AGAP1: variants seen among roughly 807,000 people sequenced by gnomAD.
The protein encoded by AGAP1 is ArfGAP with GTPase domain, ankyrin repeat and PH domain 1, also known as arf-GAP with GTPase, ANK repeat and PH domain-containing protein 1.
A neutral mutation model predicts 105.3 loss-of-function variants in AGAP1; 29 were observed. That is an observed-to-expected ratio of 0.28 (90% CI 0.21 to 0.38). AGAP1 has a LOEUF of 0.38. Ranked by LOEUF, AGAP1 falls within the 10% of genes least tolerant of loss-of-function variation. AGAP1 has a pLI of 1.00. For missense variants in AGAP1, 998 were observed against 1,165.1 expected, an observed-to-expected ratio of 0.86 and a Z score of 2.09; for synonymous variants, 509 against 485.9, an observed-to-expected ratio of 1.05 and a Z score of -0.63.
intron 13 of AGAP1, among the ~76,000 whole-genome samples, chr2:235,991,247 CT>C (rs1473120755): frequency 6.6e-6 from 1 of 152,110 alleles, no homozygotes; most frequent in Non-Finnish European, 1.5e-5. Context: ...TTTCTCTGTC[CT>C]TTAATTTTGA....
intron 9 of AGAP1, among the ~76,000 whole-genome samples, chr2:235,808,614 GCCCGGGAGCAAGCTTTCTC>G (rs1268249910): frequency 6.6e-6 from 1 of 152,192 alleles, no homozygotes; most frequent in Non-Finnish European, 1.5e-5. Context: ...AACCGACCCT[GCCCGGGAGCAAGCTTTCTC>G]CTTCCGTGCT....
chr2:235,880,469 G>A (rs2049961514), intron 9 of AGAP1, among the ~76,000 whole-genome samples: 1 of 151,948 alleles, frequency 6.6e-6, no homozygotes, highest in African/African-American at 2.4e-5. Context: ...GGAAAAATGG[G>A]AGCCCACTGG....
At chr2:235,881,984 TCTG>T (rs2050045949) in intron 9 of AGAP1, among the ~76,000 whole-genome samples, 1 of 152,190 alleles carries the variant, frequency 6.6e-6, no homozygotes, top group Non-Finnish European at 1.5e-5. Flanking sequence ...GTAAAAAAAT[TCTG>T]CTTTACAAAT....
chr2:235,572,156 T>C (rs1247004398), intron 1 of AGAP1, among the ~76,000 whole-genome samples: 1 of 151,608 alleles, frequency 6.6e-6, no homozygotes, highest in Non-Finnish European at 1.5e-5. Context: ...GCAAATGCAA[T>C]GAAGAAAGTG....
chr2:235,658,647 G>A (rs1249544912), intron 1 of AGAP1, among the ~76,000 whole-genome samples: 1 of 152,178 alleles, frequency 6.6e-6, no homozygotes, highest in East Asian at 1.9e-4. Context: ...GGCTTCCCTG[G>A]AGCTGTTGGC....
chr2:235,536,509 G>T (rs572641179), intron 1 of AGAP1, among the ~76,000 whole-genome samples: 2 of 134,340 alleles, frequency 1.5e-5, no homozygotes, highest in African/African-American at 5.9e-5. Flanking sequence ...CAGGACTCTG[G>T]GGTTTGTGTG....
Position 235,787,290 on chromosome 2 carries a change from C to A in AGAP1, c.674-10469C>A, listed in dbSNP as rs13393429. On this transcript the variant is annotated intron_variant, in intron 6 of 17. Transcript: ENST00000304032. The surrounding 1 kb of genome is among the most constrained non-coding windows in gnomAD (Gnocchi z 4.4). The stretch of plus-strand genomic sequence containing the variant: ...TGCTAATGACTTCCTGTTCCACAGG[C>A]GTAACACTTTCTAATGTTTCATTCA... 2.5e-3 allele frequency among the ~76,000 whole-genome samples: 377 copies of A among 152,344 alleles called. 1 individual carries two copies. Among genetic ancestry groups the A allele is most frequent in the African/African-American group, 8.8e-3 (366 of 41,588 alleles).
At chr2:235,968,705 C>T in intron 13 of AGAP1, 82 bp downstream of exon 13, 3 of 1,419,216 alleles carry the variant, frequency 2.1e-6, no homozygotes, top group Non-Finnish European at 2.9e-6. Flanking sequence ...AAATTAGACA[C>T]CCTTAGCACA....
intron 12 of AGAP1, among the ~76,000 whole-genome samples, chr2:235,945,865 G>T (rs959085258): frequency 8.0e-5 from 12 of 150,180 alleles, no homozygotes; most frequent in Admixed American, 8.0e-4. Context: ...GAAGGCAGAG[G>T]GGGAGCCGGC....
At chr2:235,987,737 T>C (rs1575978396) in intron 13 of AGAP1, among the ~76,000 whole-genome samples, 1 of 152,310 alleles carries the variant, frequency 6.6e-6, no homozygotes, top group East Asian at 1.9e-4. Flanking sequence ...AAATAACTTC[T>C]TGATTTCTGT....
rs1349605447 is a variant in AGAP1, at chr2:235,608,307, A to G, written c.164-100872A>G. On this transcript the variant is annotated intron_variant, in intron 1 of 17. Coordinates refer to ENST00000304032, the MANE Select transcript of AGAP1 (RefSeq NM_001037131.3). The surrounding 1 kb of genome is among the most constrained non-coding windows in gnomAD (Gnocchi z 5.4). ...CTGGATCCATGGCCGTATTCTGTAA[A>G]ATTCCATTGTGTCTTTTTTTCCCCC... 2.0e-5 allele frequency among the ~76,000 whole-genome samples: 3 copies of G among 152,128 alleles called. No homozygotes were observed. Among genetic ancestry groups the G allele is most frequent in the African/African-American group, 7.2e-5 (3 of 41,416 alleles).
intron 9 of AGAP1, among the ~76,000 whole-genome samples, chr2:235,825,622 A>G (rs901491766): frequency 1.3e-5 from 2 of 152,242 alleles, no homozygotes; most frequent in Admixed American, 1.3e-4. Flanking sequence ...TGTATCCAGC[A>G]AAGTCTTCAT....
chr2:236,072,658 A>C lies in AGAP1; in HGVS notation c.2114+23377A>C, dbSNP rs535524292. 2.0e-5 allele frequency: 3 copies of C among 152,278 alleles called. No homozygotes were observed. In the East Asian group the frequency reaches 5.8e-4, roughly 29 times the overall value. 9.4% of individuals were successfully genotyped at this position (152,278 alleles called of 1,614,324 possible). ...GGTAGGTGAGTATAGACAGGATCTCACTTTGTTAGCCAGGTTGGCTCAAAT... is the reference window on the plus strand; with the variant it reads ...GGTAGGTGAGTATAGACAGGATCTCCCTTTGTTAGCCAGGTTGGCTCAAAT... On this transcript the variant is annotated intron_variant, in intron 16 of 17. Transcript: ENST00000304032.
intron 1 of AGAP1, among the ~76,000 whole-genome samples, chr2:235,630,728 C>T (rs1367165933): frequency 3.9e-5 from 6 of 152,194 alleles, no homozygotes; most frequent in African/African-American, 1.4e-4. Context: ...GTGTGCCCCT[C>T]GGCTCGCCAC....
rs2050639133 is a variant in AGAP1, at chr2:235,893,324, G to A, written c.1155+9875G>A. 1.3e-5 allele frequency among the ~76,000 whole-genome samples: 2 copies of A among 150,720 alleles called. No individual in the cohort carries two copies. Among genetic ancestry groups the A allele is most frequent in the African/African-American group, 4.9e-5 (2 of 40,912 alleles). ...TGTGGCGCAGGTGTGCCGTGTCTGT[G>A]GCATGGGTGTGGCTTGTCTGTGGTG... On this transcript the variant is annotated intron_variant, in intron 10 of 17. Coordinates refer to ENST00000304032, the MANE Select transcript of AGAP1 (RefSeq NM_001037131.3). The surrounding 1 kb of genome is among the most constrained non-coding windows in gnomAD (Gnocchi z 4.7).
rs531455162 is a variant in AGAP1, at chr2:235,516,553, A to G, written c.163+21704A>G. 2.0e-5 allele frequency among the ~76,000 whole-genome samples: 3 copies of G among 152,304 alleles called. No individual in the cohort carries two copies. In the South Asian group the frequency reaches 6.2e-4, roughly 32 times the overall value. ...GCTTTACTCCAAAGGAAACAAGTGT[A>G]AGTGCTTGGCACCTGCAGCCTGAGC... is the stretch of plus-strand genomic sequence containing the variant. On this transcript the variant is annotated intron_variant, in intron 1 of 17. Coordinates refer to ENST00000304032, the MANE Select transcript of AGAP1 (RefSeq NM_001037131.3).
chr2:235,676,858 T>A (rs538714062), intron 1 of AGAP1, among the ~76,000 whole-genome samples: 2 of 152,354 alleles, frequency 1.3e-5, no homozygotes, highest in African/African-American at 4.8e-5. Flanking sequence ...CATGATGAGA[T>A]AAAGTGCATA....
chr2:235,691,728 G>A lies in AGAP1; in HGVS notation c.164-17451G>A, dbSNP rs62189238. On this transcript the variant is annotated intron_variant, in intron 1 of 17. Coordinates refer to ENST00000304032, the MANE Select transcript of AGAP1 (RefSeq NM_001037131.3). The surrounding 1 kb of genome is among the most constrained non-coding windows in gnomAD (Gnocchi z 4.4). ...AGGGGCCTCTTGGTCTGGGGACCAC[G>A]CCTCCCTTCCCTTCCTTCCCTGTCC... Among the ~76,000 whole-genome samples the A allele has an allele frequency of 0.18, 27,540 of 152,150 alleles. 3,039 individuals are homozygous for A. The highest frequency in any genetic ancestry group is 0.33 in the Admixed American group (5,093 of 15,280).
At chr2:235,818,853 C>T (rs1024555182) in intron 9 of AGAP1, among the ~76,000 whole-genome samples, 9 of 152,350 alleles carry the variant, frequency 5.9e-5, no homozygotes, top group South Asian at 2.1e-4. Context: ...GGATTACAGG[C>T]GTGAGCCACC....
Sources: gnomAD v4.1 joint callset for allele counts (sites outside exome capture counted in the v4.1 genomes callset) on GRCh38, gnomAD v4.1.1 for gene constraint, Gnocchi (gnomAD v3.1) non-coding constraint, MANE v1.5 for transcripts, NCBI Gene and HGNC (gene_info 2026-07-23, HGNC 2026-07-21) for gene names.